Variants in UBE2J1 observed in about 807,000 individuals in gnomAD.
The protein encoded by UBE2J1 is ubiquitin conjugating enzyme E2 J1.
In UBE2J1, 17 loss-of-function variants were observed where a neutral mutation model predicts 42.1. The ratio of observed to expected loss-of-function variants is 0.40; its 90% CI spans 0.28 to 0.61. UBE2J1 has a LOEUF of 0.61. Among genes scored for constraint, UBE2J1 ranks in the 20% least tolerant of loss-of-function variants. UBE2J1 has a pLI of 0.38. For missense variants in UBE2J1, 291 were observed against 389.4 expected, an observed-to-expected ratio of 0.75 and a Z score of 2.13; for synonymous variants, 127 against 137.2, an observed-to-expected ratio of 0.93 and a Z score of 0.52.
At chr6:89,350,589 G>GT (rs561984659) in intron 1 of UBE2J1, among the ~76,000 whole-genome samples, 131 of 145,128 alleles carry the variant, frequency 9.0e-4, no homozygotes, top group African/African-American at 1.5e-3. Context: ...GAAGCATTGT[G>GT]TTTTTTTTTT....
Position 89,329,156 on chromosome 6 carries a change from G to C in UBE2J1, c.*523C>G, listed in dbSNP as rs1222491779. 6.5e-6 allele frequency: 1 copy of C among 153,588 alleles called. No homozygotes were observed. Among genetic ancestry groups the C allele is most frequent in the Non-Finnish European group, 1.4e-5 (1 of 69,230 alleles). 9.5% of individuals were successfully genotyped at this position (153,588 alleles called of 1,614,324 possible). ...AATTATTTTCACTGAAGAATGTTTA[G>C]GACACAAATAAAGTCACAGAATGAG... On this transcript the variant is annotated 3_prime_UTR_variant, in exon 8 of 8. Transcript: ENST00000435041.
In UBE2J1 at chr6:89,338,461, C is replaced by T; in HGVS notation, c.320G>A (p.Ser107Asn). 6.2e-7 allele frequency: 1 copy of T among 1,610,338 alleles called. No individual in the cohort carries two copies. The highest frequency in any genetic ancestry group is 8.5e-7 in the Non-Finnish European group (1 of 1,178,522). The stretch of plus-strand genomic sequence containing the variant: ...ATTCACTATAAATTAACACTTACTA[C>T]TCCACGAAGGCTGCCAAGTTTCAGG... ...HHPETWQPSW[S>N]IRTALLAIIG... The change falls in exon 4 of 8, where the codon AGT becomes AAT. Residue 107 changes from serine to asparagine, a missense_variant and splice_region_variant. By Grantham distance (46) the Ser-to-Asn change is conservative (BLOSUM62 1). Transcript: ENST00000435041.
chr6:89,335,867 G>GA (rs145789221), intron 5 of UBE2J1, among the ~76,000 whole-genome samples: 11,286 of 150,492 alleles, frequency 0.075, 540 homozygotes, highest in Middle Eastern at 0.14. Flanking sequence ...TATTTCTAGG[G>GA]AAAAAAAAAC....
intron 1 of UBE2J1, among the ~76,000 whole-genome samples, chr6:89,344,098 T>C (rs2127870900): frequency 6.6e-6 from 1 of 152,186 alleles, no homozygotes; most frequent in East Asian, 1.9e-4. Flanking sequence ...AGATAGGTAT[T>C]ATTTTTATCC....
rs1768260342 is a variant in UBE2J1, at chr6:89,342,312, C to T, written c.237+12G>A. ...TGAAGCCACAAGCACTCTAAAAATC[C>T]AAAATTCTTACCGTTAGGAGAATAA... On this transcript the variant is annotated intron_variant, in intron 3 of 7. Coordinates refer to ENST00000435041, the MANE Select transcript of UBE2J1 (RefSeq NM_016021.3). 1.2e-6 allele frequency: 2 copies of T among 1,613,544 alleles called. No individual in the cohort carries two copies. The highest frequency in any genetic ancestry group is 1.3e-5 in the African/African-American group (1 of 74,886).
chr6:89,342,287 T>G (rs1402037641), intron 3 of UBE2J1, 37 bp downstream of exon 3: 1 of 1,608,182 alleles, frequency 6.2e-7, no homozygotes, highest in East Asian at 2.2e-5. Flanking sequence ...CCAGGAAGAG[T>G]GAAGCCACAA....
chr6:89,337,566 T>G (rs1768133948), intron 5 of UBE2J1, among the ~76,000 whole-genome samples: 1 of 152,008 alleles, frequency 6.6e-6, no homozygotes, highest in Non-Finnish European at 1.5e-5. Context: ...GGCAGCAGAC[T>G]CCAGAGCAGA....
chr6:89,340,930 C>T (rs904148868), intron 3 of UBE2J1, among the ~76,000 whole-genome samples: 6 of 151,570 alleles, frequency 4.0e-5, no homozygotes, highest in Non-Finnish European at 8.8e-5. Flanking sequence ...CGCCCGCCAC[C>T]GCGCCCGGCT....
Position 89,352,600 on chromosome 6 carries a change from G to T in UBE2J1, c.-31C>A. The stretch of plus-strand genomic sequence containing the variant: ...GTCGCTGGCTTGGCTCCGGCCTCCC[G>T]GGCCGCTGCCACCTCCTCTCCACGC... On this transcript the variant is annotated 5_prime_UTR_variant, in exon 1 of 8. Coordinates refer to ENST00000435041, the MANE Select transcript of UBE2J1 (RefSeq NM_016021.3). 1 of 1,547,962 alleles carries T rather than the reference G, an allele frequency of 6.5e-7. No individual in the cohort carries two copies.
At chr6:89,348,209 A>G (rs1768397478) in intron 1 of UBE2J1, among the ~76,000 whole-genome samples, 1 of 152,202 alleles carries the variant, frequency 6.6e-6, no homozygotes. Context: ...TGGTGAGATA[A>G]GATGTGCCAG....
intron 6 of UBE2J1, among the ~76,000 whole-genome samples, chr6:89,334,197 G>C (rs1768065613): frequency 6.6e-6 from 1 of 151,850 alleles, no homozygotes; most frequent in African/African-American, 2.4e-5. Flanking sequence ...TAGAGACAGG[G>C]TTTCACCGTG....
rs770800276 is a variant in UBE2J1 at position 89,342,458 on chromosome 6, G to A, written c.106-3C>T. 4 of 1,584,656 alleles carry A rather than the reference G, an allele frequency of 2.5e-6. No individual in the cohort carries two copies. The highest frequency in any genetic ancestry group is 1.2e-5 in the South Asian group (1 of 85,880). ...AAGTGCCATTCAAAAAGGTTATCCTGAACAAAAACAATAATCCACAAGGAA... is the reference window on the plus strand; with the variant it reads ...AAGTGCCATTCAAAAAGGTTATCCTAAACAAAAACAATAATCCACAAGGAA... On this transcript the variant is annotated splice_region_variant and splice_polypyrimidine_tract_variant and intron_variant, in intron 2 of 7. Coordinates refer to ENST00000435041, the MANE Select transcript of UBE2J1 (RefSeq NM_016021.3).
intron 3 of UBE2J1, 109 bp from the exon 4 acceptor site, chr6:89,338,652 A>ATT (rs1768157959): frequency 1.6e-5 from 4 of 249,156 alleles, no homozygotes; most frequent in Non-Finnish European, 2.8e-5. Context: ...TATCTTAAAA[A>ATT]GTTTGTTTTT....
chr6:89,331,736 A>G (rs1446690816), intron 7 of UBE2J1, among the ~76,000 whole-genome samples: 4 of 152,238 alleles, frequency 2.6e-5, no homozygotes, highest in Non-Finnish European at 5.9e-5. Context: ...GAAAATACAC[A>G]AAAGATTTAA....
Position 89,329,677 on chromosome 6 carries a change from T to A in UBE2J1, c.*2A>T, listed in dbSNP as rs1338034978. 6.2e-7 allele frequency: 1 copy of A among 1,614,018 alleles called. No homozygotes were observed. Among genetic ancestry groups the A allele is most frequent in the South Asian group, 1.1e-5 (1 of 91,070 alleles). On this transcript the variant is annotated 3_prime_UTR_variant, in exon 8 of 8. Transcript: ENST00000435041. ...TCACAGCTCATAAGTCACAAAACCA[T>A]ATTATAACTCAAAGTCAAATATGTA...
intron 1 of UBE2J1, among the ~76,000 whole-genome samples, chr6:89,349,440 T>C (rs1203466241): frequency 2.0e-5 from 3 of 152,142 alleles, no homozygotes; most frequent in African/African-American, 7.2e-5. Context: ...TGATTAGATA[T>C]ATGTGTTTCT....
chr6:89,342,200 C>T, intron 3 of UBE2J1, 124 bp downstream of exon 3: 2 of 1,015,024 alleles, frequency 2.0e-6, no homozygotes, highest in East Asian at 2.8e-5. Context: ...AGTCCCAGGG[C>T]CTGGACCCCA....
chr6:89,340,807 C>T (rs1166302919), intron 3 of UBE2J1, among the ~76,000 whole-genome samples: 5 of 149,934 alleles, frequency 3.3e-5, no homozygotes, highest in South Asian at 2.1e-4. Flanking sequence ...CTCGCTCTGT[C>T]GCCCAGGCTG....
intron 1 of UBE2J1, among the ~76,000 whole-genome samples, chr6:89,344,138 G>A (rs932008726): frequency 5.3e-5 from 8 of 152,030 alleles, no homozygotes; most frequent in East Asian, 3.9e-4. Context: ...GCCGAGACAC[G>A]GAGAGATTAT....
Sources: gnomAD v4.1 joint callset for allele counts (sites outside exome capture counted in the v4.1 genomes callset) on GRCh38, gnomAD v4.1.1 for gene constraint, MANE v1.5 for transcripts, NCBI Gene and HGNC (gene_info 2026-07-23, HGNC 2026-07-21) for gene names.